Variants in USP15 observed in about 807,000 individuals in gnomAD.
USP15 encodes ubiquitin specific peptidase 15, also known as ubiquitin carboxyl-terminal hydrolase 15.
In USP15, 18 loss-of-function variants were observed where a neutral mutation model predicts 127.1. That is an observed-to-expected ratio of 0.14 (90% confidence interval 0.10 to 0.21). The LOEUF (loss-of-function observed/expected upper bound fraction) is 0.21. Among genes scored for constraint, USP15 ranks in the 10% least tolerant of loss-of-function variants. The probability of loss-of-function intolerance (pLI) is 1.00; values close to 1 mark genes in which losing one functional copy is unlikely to be tolerated. For synonymous variants in USP15, 364 were observed against 393.7 expected (o/e 0.92, Z 0.89); for missense variants, 805 against 1,159.9 (o/e 0.69, Z 4.44).
intron 5 of USP15, among the ~76,000 whole-genome samples, chr12:62,323,133 T>C (rs1026681039): frequency 6.6e-6 from 1 of 152,204 alleles, no homozygotes; most frequent in Non-Finnish European, 1.5e-5. Flanking sequence ...AGGATGTTTC[T>C]ACTTTGGAGA....
intron 19 of USP15, among the ~76,000 whole-genome samples, chr12:62,394,225 A>G (rs866896829): frequency 9.2e-5 from 14 of 152,196 alleles, no homozygotes; most frequent in Admixed American, 3.3e-4. Flanking sequence ...ATCACACAAT[A>G]TTTTGTACAA....
At chr12:62,402,115 TAAC>T (rs1287515826) in intron 21 of USP15, among the ~76,000 whole-genome samples, 5 of 151,900 alleles carry the variant, frequency 3.3e-5, no homozygotes, top group Admixed American at 1.3e-4. Flanking sequence ...TCAGTCTTTT[TAAC>T]AACACTGCCC....
At chr12:62,330,947 A>G in intron 6 of USP15, among the ~76,000 whole-genome samples, 1 of 151,852 alleles carries the variant, frequency 6.6e-6, no homozygotes, top group Non-Finnish European at 1.5e-5. Context: ...AAAAAAAAAA[A>G]AAACAGAAAA....
chr12:62,293,956 T>A (rs2064053157), intron 1 of USP15, among the ~76,000 whole-genome samples: 1 of 152,204 alleles, frequency 6.6e-6, no homozygotes, highest in East Asian at 1.9e-4. Context: ...TATTTTTATG[T>A]CAGTATTTGT....
At chr12:62,354,045 T>C (rs1386175073) in intron 7 of USP15, among the ~76,000 whole-genome samples, 3 of 151,820 alleles carry the variant, frequency 2.0e-5, no homozygotes, top group Non-Finnish European at 4.4e-5. Context: ...TTTTAAAAAA[T>C]GCAAAAACAT....
chr12:62,364,860 C>A (rs1239152503), intron 8 of USP15, among the ~76,000 whole-genome samples: 2 of 152,140 alleles, frequency 1.3e-5, no homozygotes, highest in Non-Finnish European at 2.9e-5. Flanking sequence ...TTTCCAGCTT[C>A]ATCCATGTCC....
intron 1 of USP15, among the ~76,000 whole-genome samples, chr12:62,262,520 A>T (rs2063096652): frequency 6.6e-6 from 1 of 152,238 alleles, no homozygotes; most frequent in African/African-American, 2.4e-5. Context: ...TTTTGTATAT[A>T]GAGTAATTGG....
chr12:62,308,005 CTT>C (rs1340456210), intron 3 of USP15, among the ~76,000 whole-genome samples: 1 of 151,980 alleles, frequency 6.6e-6, no homozygotes, highest in African/African-American at 2.4e-5. Context: ...TTGTTAATCT[CTT>C]AGTGTGCGTA....
chr12:62,370,244 T>C (rs564777297), intron 8 of USP15, among the ~76,000 whole-genome samples: 4 of 152,202 alleles, frequency 2.6e-5, no homozygotes, highest in Non-Finnish European at 5.9e-5. Flanking sequence ...TTTTATACTT[T>C]TAACCTCACC....
At chr12:62,322,590 A>G (rs1200412089) in intron 5 of USP15, among the ~76,000 whole-genome samples, 1 of 151,978 alleles carries the variant, frequency 6.6e-6, no homozygotes, top group African/African-American at 2.4e-5. Flanking sequence ...CTGTATCTCC[A>G]GGCTCTTGTA....
intron 8 of USP15, among the ~76,000 whole-genome samples, chr12:62,364,512 TTGTA>T (rs1158777470): frequency 1.3e-5 from 2 of 152,168 alleles, no homozygotes; most frequent in Non-Finnish European, 2.9e-5. Flanking sequence ...GTTTTCTTGT[TTGTA>T]TTTATTTATT....
intron 9 of USP15, among the ~76,000 whole-genome samples, chr12:62,382,491 T>C (rs2067020999): frequency 6.6e-6 from 1 of 151,994 alleles, no homozygotes; most frequent in African/African-American, 2.4e-5. Context: ...GCCTCTGTAT[T>C]GTCTTCCTTA....
chr12:62,391,683 C>T, intron 16 of USP15, 133 bp from the exon 17 acceptor site: 1 of 912,158 alleles, frequency 1.1e-6, no homozygotes, highest in South Asian at 2.0e-5. Context: ...TTGGAAACTG[C>T]TGTTTGCCCT....
chr12:62,367,871 C>T (rs541194189), intron 8 of USP15, among the ~76,000 whole-genome samples: 5 of 152,144 alleles, frequency 3.3e-5, no homozygotes, highest in Admixed American at 1.3e-4. Context: ...TTTGTTTGCT[C>T]TTGCTTCTCT....
intron 8 of USP15, among the ~76,000 whole-genome samples, chr12:62,376,108 T>C (rs1304090204): frequency 6.6e-6 from 1 of 152,158 alleles, no homozygotes; most frequent in Non-Finnish European, 1.5e-5. Context: ...TCCAAAAGTC[T>C]ACCATATACT....
At chr12:62,381,748 A>G in intron 9 of USP15, 85 bp downstream of exon 9, 1 of 1,359,380 alleles carries the variant, frequency 7.4e-7, no homozygotes, top group Non-Finnish European at 1.0e-6. Context: ...GAAAAATAGT[A>G]GCTATTACAA....
chr12:62,370,547 A>AG (rs1463821434), intron 8 of USP15, among the ~76,000 whole-genome samples: 3 of 152,206 alleles, frequency 2.0e-5, no homozygotes, highest in Non-Finnish European at 4.4e-5. Context: ...TGTGAAATGA[A>AG]GATAAAGTGC....
At chr12:62,404,052 A>G (rs534023842) in intron 21 of USP15, 141 bp from the exon 22 acceptor site, 4 of 1,038,466 alleles carry the variant, frequency 3.9e-6, no homozygotes, top group African/African-American at 3.6e-5. Flanking sequence ...AATGAATTTT[A>G]GTAACTTCCA....
chr12:62,351,847 TAGTA>T (rs535622282), intron 7 of USP15, among the ~76,000 whole-genome samples: 3 of 151,760 alleles, frequency 2.0e-5, no homozygotes, highest in Admixed American at 6.6e-5. Context: ...TTATCTTTCT[TAGTA>T]AGGAACAGAA....
Sources: allele counts gnomAD v4.1 joint callset (sites outside exome capture counted in the v4.1 genomes callset), GRCh38; gene constraint gnomAD v4.1.1; transcripts MANE v1.5; gene names NCBI Gene and HGNC (gene_info 2026-07-23, HGNC 2026-07-21).